PIF1: variants seen among roughly 807,000 people sequenced by gnomAD.
PIF1 encodes PIF1 5'-to-3' DNA helicase, also known as ATP-dependent DNA helicase PIF1.
Under a neutral mutation model 62.3 loss-of-function variants are expected in PIF1, and 67 were observed. The observed-to-expected ratio is 1.08, with a 90% CI of 0.88 to 1.32. PIF1 has a LOEUF of 1.32. Among genes scored for constraint, PIF1 ranks in the 40% most tolerant of loss-of-function variants. The pLI, the probability that PIF1 is intolerant of heterozygous loss-of-function variation, is 0.00. For missense variants in PIF1, 886 were observed against 866.1 expected (o/e 1.02, Z -0.29); for synonymous variants, 364 against 379.5 (o/e 0.96, Z 0.47).
At chr15:64,822,662 C>A (rs750530737) in intron 2 of PIF1, 52 bp from the exon 3 acceptor site, 5 of 1,607,610 alleles carry the variant, frequency 3.1e-6, no homozygotes, top group Non-Finnish European at 4.2e-6. Context: ...TAGGCATTGC[C>A]CCCACCCTTC....
At position 64,819,134 on chromosome 15, in the gene PIF1, G is replaced by T; in HGVS notation, c.1423C>A (p.Leu475Ile). ...CCACTCACCTGGGCCCCCAGCTTTA[G>T]TTGAAGGAGCTGGCTAACAGGACAC... Reference protein sequence around the residue: ...AQCPVSQLLQLKLGAQVMLVK... With the variant: ...AQCPVSQLLQIKLGAQVMLVK... Residue 475 changes from leucine (L) to isoleucine (I), a missense_variant, in exon 9 of 13, where the codon CTA (leucine) becomes ATA (isoleucine). Coordinates refer to ENST00000559239, the MANE Select transcript of PIF1 (RefSeq NM_001286496.2). 1.3e-6 allele frequency: 2 copies of T among 1,592,788 alleles called. No homozygotes were observed. The highest frequency in any genetic ancestry group is 1.7e-6 in the Non-Finnish European group (2 of 1,174,106).
chr15:64,826,626 A>T (rs558293058), upstream of PIF1, among the ~76,000 whole-genome samples: 49 of 14,800 alleles, frequency 3.3e-3, no homozygotes, highest in East Asian at 0.014. Flanking sequence ...CAGCTAATTT[A>T]TATATATATA....
rs761366226 is a variant in PIF1 at position 64,816,686 on chromosome 15, GC to G, written c.1753del (p.Ala585ProfsTer86). ...CACACGTAGGCCCTGCAGGCTGCGG[GC>G]CCGAGAAAGGGCCACATAGGCCTGG... ...SGQAYVALSR[A>X]RSLQGLRVLD... is the part of the protein sequence containing the mutation. On this transcript the variant is annotated frameshift_variant, in exon 12 of 13. Coordinates refer to ENST00000559239, the MANE Select transcript of PIF1 (RefSeq NM_001286496.2). LOFTEE classifies it high-confidence loss of function. 2.4e-5 allele frequency: 38 copies of G among 1,613,596 alleles called. No homozygotes were observed. In the East Asian group the frequency reaches 3.6e-4, roughly 15 times the overall value.
At position 64,819,202 on chromosome 15, in the gene PIF1, G is replaced by C; in HGVS notation, c.1355C>G (p.Ala452Gly). The change falls in exon 9 of 13, where the codon GCT becomes GGT. Residue 452 changes from alanine (A) to glycine (G), a missense_variant. Ala to Gly is a moderately conservative substitution (Grantham distance 60). Coordinates refer to ENST00000559239, the MANE Select transcript of PIF1 (RefSeq NM_001286496.2). ...GGCCAGCTCAGGGTTGCTGTCCATA[G>C]CCTCAAATCTGTGTACCTTACCTGG... ...ELPGKVHRFE[A>G]MDSNPELAST... 6.2e-7 allele frequency: 1 copy of C among 1,604,600 alleles called. No homozygotes were observed. Among genetic ancestry groups the C allele is most frequent in the Non-Finnish European group, 8.5e-7 (1 of 1,176,986 alleles).
At chr15:64,826,875 G>C (rs942938904), upstream of PIF1, among the ~76,000 whole-genome samples, 8 of 151,314 alleles carry the variant, frequency 5.3e-5, no homozygotes, top group Non-Finnish European at 1.2e-4. Flanking sequence ...ACAGGCATGA[G>C]CCCGGACCTT....
intron 7 of PIF1, 95 bp downstream of exon 7, chr15:64,820,887 A>C: frequency 4.2e-5 from 48 of 1,142,138 alleles, no homozygotes; most frequent in Middle Eastern, 5.6e-4. Context: ...TGAGGGTAAC[A>C]ATTCTACCCC....
chr15:64,818,384 C>A, intron 9 of PIF1, 40 bp from the exon 10 acceptor site: 1 of 1,596,650 alleles, frequency 6.3e-7, no homozygotes, highest in Non-Finnish European at 8.6e-7. Flanking sequence ...GCCCCCCTAC[C>A]CATGCCTGGT....
At position 64,821,482 on chromosome 15, in the gene PIF1, C is replaced by T. The variant is rs777275078; in HGVS notation, c.856G>A (p.Ala286Thr). Residue 286 changes from alanine (A) to threonine (T), a missense_variant, in exon 5 of 13, where the codon GCC (alanine) becomes ACC (threonine). Transcript: ENST00000559239. ...CGCACGCCTGGCCTTTGGGCCAGGG[C>T]CACACACTGGGCTAGAGGAGCCTGG... is the stretch of plus-strand genomic sequence containing the variant. ...SGQAPLAQCV[A>T]LAQRPGVRQG... 8.7e-6 allele frequency: 14 copies of T among 1,613,732 alleles called. No homozygotes were observed. The East Asian group carries it at 3.1e-4, about 36-fold the overall frequency.
intron 2 of PIF1, 111 bp downstream of exon 2, chr15:64,823,667 G>A (rs1301539259): frequency 5.7e-6 from 4 of 697,496 alleles, no homozygotes; most frequent in Non-Finnish European, 8.2e-6. Context: ...GATGTCAGAT[G>A]GGTATCAAAT....
chr15:64,818,819 C>T (rs1382108605), intron 9 of PIF1: 3 of 350,644 alleles, frequency 8.6e-6, no homozygotes, highest in African/African-American at 2.1e-5. Context: ...CTACAGAAGA[C>T]AGCTGTGTGG....
At chr15:64,817,497 A>T (rs891470398) in intron 11 of PIF1, among the ~76,000 whole-genome samples, 1 of 151,684 alleles carries the variant, frequency 6.6e-6, no homozygotes, top group African/African-American at 2.4e-5. Context: ...GTGAGCCGAG[A>T]TCACTGCACT....
chr15:64,816,009 T>C lies in PIF1; in HGVS notation c.*289A>G. On this transcript the variant is annotated 3_prime_UTR_variant, in exon 13 of 13. Coordinates refer to ENST00000559239, the MANE Select transcript of PIF1 (RefSeq NM_001286496.2). ...TGTCCAGCCCTTGCAGAGAGCTTTG[T>C]CCTCTGACATCAGCTACCACACAGG... 6.7e-7 allele frequency: 1 copy of C among 1,490,720 alleles called. No individual in the cohort carries two copies. Among genetic ancestry groups the C allele is most frequent in the South Asian group, 1.3e-5 (1 of 74,504 alleles). The allele number at this position is 1,490,720 out of a possible 1,614,324, so 92.3% of individuals were successfully genotyped here. A position where few individuals can be genotyped will look rare whatever the true frequency, so the allele number is the denominator to read the frequency against.
chr15:64,822,635 A>G, intron 2 of PIF1, 25 bp from the exon 3 acceptor site: 1 of 1,612,400 alleles, frequency 6.2e-7, no homozygotes, highest in African/African-American at 1.3e-5. Context: ...GCTATCTCAG[A>G]GCATCCTCCC....
At chr15:64,817,389 A>G (rs1475415980) in intron 11 of PIF1, among the ~76,000 whole-genome samples, 1 of 152,064 alleles carries the variant, frequency 6.6e-6, no homozygotes, top group Non-Finnish European at 1.5e-5. Context: ...TACTAAAAAT[A>G]CAAAAAATTA....
chr15:64,822,634 G>C, intron 2 of PIF1, 24 bp from the exon 3 acceptor site: 1 of 1,612,376 alleles, frequency 6.2e-7, no homozygotes, highest in South Asian at 1.1e-5. Context: ...AGCTATCTCA[G>C]AGCATCCTCC....
Position 64,818,013 on chromosome 15 carries a change from C to A in PIF1, c.1607G>T (p.Gly536Val). The A allele has an allele frequency of 6.2e-7, 1 of 1,613,152 alleles. No homozygotes were observed. The highest frequency in any genetic ancestry group is 8.5e-7 in the Non-Finnish European group (1 of 1,179,636). Residue 536 changes from glycine to valine, a missense_variant, in exon 11 of 13, where the codon GGC becomes GTC. Gly to Val is a moderately radical substitution (Grantham distance 109). Coordinates refer to ENST00000559239, the MANE Select transcript of PIF1 (RefSeq NM_001286496.2). ...CAGCTGCTGCCGACTGAGGAGCTGGCCCCCGGTGGCCTGCACCGTCCAGCG... is the reference window on the plus strand; with the variant it reads ...CAGCTGCTGCCGACTGAGGAGCTGGACCCCGGTGGCCTGCACCGTCCAGCG... ...ADRWTVQATG[G>V]QLLSRQQLPL...
At chr15:64,822,103 G>A in intron 4 of PIF1, 163 bp downstream of exon 4, 1 of 884,384 alleles carries the variant, frequency 1.1e-6, no homozygotes, top group Admixed American at 2.5e-5. Context: ...TCAAACTCCT[G>A]GGCTCAAGCG....
chr15:64,818,196 C>G, intron 10 of PIF1, 61 bp downstream of exon 10: 1 of 1,610,110 alleles, frequency 6.2e-7, no homozygotes, highest in South Asian at 1.1e-5. Flanking sequence ...CTCCCCCCAC[C>G]ATTCCCGGGG....
At chr15:64,822,687 A>G (rs999977706) in intron 2 of PIF1, 77 bp from the exon 3 acceptor site, 7 of 1,584,320 alleles carry the variant, frequency 4.4e-6, no homozygotes, top group East Asian at 4.5e-5. Flanking sequence ...CCCATGTGCA[A>G]TGCTGGGCCT....
Sources: gnomAD v4.1 joint callset for allele counts (sites outside exome capture counted in the v4.1 genomes callset) on GRCh38, gnomAD v4.1.1 for gene constraint, MANE v1.5 for transcripts, NCBI Gene and HGNC (gene_info 2026-07-23, HGNC 2026-07-21) for gene names.